Variants in STXBP4 observed in about 807,000 individuals in gnomAD.
The protein encoded by STXBP4 is syntaxin binding protein 4, also known as syntaxin-binding protein 4.
A neutral mutation model predicts 76.1 loss-of-function variants in STXBP4; 55 were observed. The observed-to-expected ratio is 0.72, with a 90% CI of 0.58 to 0.91. The LOEUF is 0.91. STXBP4 is among the 40% of genes least tolerant of loss of function. STXBP4 has a pLI of 0.00. For synonymous variants in STXBP4, 201 were observed against 220.2 expected (o/e 0.91, Z 0.77); for missense variants, 618 against 636.9 (o/e 0.97, Z 0.32).
the STXBP4 span, among the ~76,000 whole-genome samples, chr17:55,178,673 T>C: frequency 6.6e-6 from 1 of 152,206 alleles, no homozygotes; most frequent in Non-Finnish European, 1.5e-5. Context: ...TGACCTGCTA[T>C]CTGCAAGCTA....
At chr17:55,145,717 CTG>C (rs1198704224) in intron 17 of STXBP4, among the ~76,000 whole-genome samples, 1 of 149,056 alleles carries the variant, frequency 6.7e-6, no homozygotes, top group Non-Finnish European at 1.5e-5. Flanking sequence ...ACATATATCT[CTG>C]TGTGTGTGTA....
intron 4 of STXBP4, among the ~76,000 whole-genome samples, chr17:54,992,881 T>C (rs2077741175): frequency 6.6e-6 from 1 of 151,824 alleles, no homozygotes; most frequent in African/African-American, 2.4e-5. Flanking sequence ...CCTAACTAAT[T>C]TTTGTATTTT....
intron 8 of STXBP4, among the ~76,000 whole-genome samples, chr17:55,011,097 A>G (rs2078101316): frequency 6.6e-6 from 1 of 152,174 alleles, no homozygotes; most frequent in South Asian, 2.1e-4. Context: ...TTTACTTTCA[A>G]CAAAACTGTC....
In STXBP4 at chr17:55,082,596, T is replaced by A. The variant is rs1482216269; in HGVS notation, c.1489+1413T>A. On this transcript the variant is annotated intron_variant, in intron 16 of 17. Transcript: ENST00000376352. ...GTGTATCCAATAATGATAGGATGTT[T>A]AGCATTCCTAGTACCCTTTCACTAA... Among the ~76,000 whole-genome samples, 6 of 152,130 alleles carry A rather than the reference T, an allele frequency of 3.9e-5. No homozygotes were observed. In the East Asian group the frequency reaches 1.2e-3, roughly 29 times the overall value.
intron 16 of STXBP4, among the ~76,000 whole-genome samples, chr17:55,107,529 G>C (rs1181966152): frequency 6.6e-6 from 1 of 152,174 alleles, no homozygotes; most frequent in East Asian, 1.9e-4. Context: ...TCTGGTTTTT[G>C]GAATTTTCAG....
chr17:54,974,570 A>G (rs577413671), intron 1 of STXBP4, among the ~76,000 whole-genome samples: 3 of 152,368 alleles, frequency 2.0e-5, no homozygotes, highest in East Asian at 3.9e-4. Context: ...GGCCAGCTTC[A>G]TGAAAATATG....
rs59163531 is a variant in STXBP4, at chr17:55,052,916, CGTGTGTGTGT to C, written c.1011+5788_1011+5797del. ...AAAAAAAAAAAAAAGACGTGTATGACGTGTGTGTGTGTGTGTGTGTGTGTGTGTGTGTGTG... is the reference window on the plus strand; with the variant it reads ...AAAAAAAAAAAAAAGACGTGTATGACGTGTGTGTGTGTGTGTGTGTGTGTG... On this transcript the variant is annotated intron_variant, in intron 12 of 17. Coordinates refer to ENST00000376352, the MANE Select transcript of STXBP4 (RefSeq NM_178509.6). Among the ~76,000 whole-genome samples the C allele has an allele frequency of 1.1e-3, 103 of 95,700 alleles. 1 individual carries two copies. The highest frequency in any genetic ancestry group is 4.0e-3 in the African/African-American group (97 of 24,548). 62.8% of individuals were successfully genotyped at this position (95,700 alleles called of 152,430 possible).
the STXBP4 span, among the ~76,000 whole-genome samples, chr17:55,211,799 G>GTTTTTTTTTT: frequency 2.4e-3 from 117 of 48,990 alleles, 11 homozygotes; most frequent in African/African-American, 2.9e-3. Context: ...GTTTTTTGTT[G>GTTTTTTTTTT]TTTTTTTTTT....
chr17:55,175,608 G>A (rs994716195), downstream of STXBP4, among the ~76,000 whole-genome samples: 10 of 152,288 alleles, frequency 6.6e-5, no homozygotes, highest in African/African-American at 2.4e-4. Flanking sequence ...TGATGGTGAA[G>A]CACCCAAAAA....
chr17:54,972,491 A>G (rs970171649), intron 1 of STXBP4, among the ~76,000 whole-genome samples: 34 of 152,156 alleles, frequency 2.2e-4, no homozygotes, highest in Non-Finnish European at 4.1e-4. Context: ...TTCAAATTTT[A>G]ATCAATTTAT....
At chr17:55,037,749 A>G (rs535452237) in intron 10 of STXBP4, among the ~76,000 whole-genome samples, 2 of 152,322 alleles carry the variant, frequency 1.3e-5, no homozygotes, top group Admixed American at 1.3e-4. Flanking sequence ...CTGTCAAAGC[A>G]TTAGTTACCT....
Position 55,172,454 on chromosome 17 carries a change from A to G in STXBP4, c.*12543A>G, listed in dbSNP as rs545360637. 2.0e-5 allele frequency: 3 copies of G among 152,342 alleles called. No homozygotes were observed. In the East Asian group the frequency reaches 5.8e-4, roughly 29 times the overall value. The allele number at this position is 152,342 out of a possible 1,614,324, so 9.4% of individuals were successfully genotyped here. ...TGAAAAACAAAAGTTACTTTCTTGG[A>G]TGCATATATTCTTATAGCCTCAAAA... On this transcript the variant is annotated 3_prime_UTR_variant, in exon 18 of 18. Coordinates refer to ENST00000376352, the MANE Select transcript of STXBP4 (RefSeq NM_178509.6).
chr17:55,078,823 T>A, intron 15 of STXBP4, 88 bp downstream of exon 15: 1 of 773,168 alleles, frequency 1.3e-6, no homozygotes, highest in Non-Finnish European at 2.3e-6. Context: ...AAAAATCTCT[T>A]AAATAGTCCT....
intron 7 of STXBP4, among the ~76,000 whole-genome samples, chr17:55,005,053 A>G (rs2077984156): frequency 1.3e-5 from 2 of 152,186 alleles, no homozygotes; most frequent in Admixed American, 6.5e-5. Context: ...GGAAAAAACA[A>G]GATTTTGTTA....
At chr17:55,040,333 C>A (rs1842009247) in intron 10 of STXBP4, among the ~76,000 whole-genome samples, 1 of 151,746 alleles carries the variant, frequency 6.6e-6, no homozygotes, top group Non-Finnish European at 1.5e-5. Flanking sequence ...AAGGAATGAG[C>A]AGGGAAATGG....
At chr17:55,061,357 T>C (rs549439972) in intron 12 of STXBP4, among the ~76,000 whole-genome samples, 99 of 152,334 alleles carry the variant, frequency 6.5e-4, no homozygotes, top group African/African-American at 2.3e-3. Context: ...ATTTTCAGAA[T>C]TGATGTGATT....
In STXBP4 at chr17:55,043,304, GA is replaced by G. The variant is rs754219711; in HGVS notation, c.927del (p.Glu310LysfsTer2). ...TCAAGTGTGAAAGAGATGATGCCTT[GA>G]AAGAAGTAAATACACTTAAGGTAAC... The part of the protein sequence containing the change: ...RLKCERDDAL[K>X]EVNTLKEKLL... On this transcript the variant is annotated frameshift_variant, in exon 11 of 18. Transcript: ENST00000376352. LOFTEE classifies it high-confidence loss of function. 6.6e-7 allele frequency: 1 copy of G among 1,525,734 alleles called. No homozygotes were observed. Among genetic ancestry groups the G allele is most frequent in the East Asian group, 2.4e-5 (1 of 41,866 alleles). The allele number at this position is 1,525,734 out of a possible 1,614,324, so 94.5% of individuals were successfully genotyped here.
intron 12 of STXBP4, among the ~76,000 whole-genome samples, chr17:55,058,552 C>T (rs2078960486): frequency 6.6e-6 from 1 of 152,092 alleles, no homozygotes; most frequent in Non-Finnish European, 1.5e-5. Context: ...TGCAAATCAA[C>T]ATTTTATCAT....
At chr17:55,118,276 T>C (rs2079805613) in intron 16 of STXBP4, among the ~76,000 whole-genome samples, 2 of 152,008 alleles carry the variant, frequency 1.3e-5, no homozygotes, top group East Asian at 1.9e-4. Context: ...TCTGTCTTCA[T>C]AGTAAGATTT....
Sources: gnomAD v4.1 joint callset for allele counts (sites outside exome capture counted in the v4.1 genomes callset) on GRCh38, gnomAD v4.1.1 for gene constraint, MANE v1.5 for transcripts, NCBI Gene and HGNC (gene_info 2026-07-23, HGNC 2026-07-21) for gene names.